Variants in CCDC93 observed in about 807,000 individuals in gnomAD.
The protein encoded by CCDC93 is CCC complex scaffolding subunit CCDC93.
A neutral mutation model predicts 108.2 loss-of-function variants in CCDC93; 61 were observed. The ratio of observed to expected loss-of-function variants is 0.56; its 90% CI spans 0.46 to 0.70. The LOEUF (loss-of-function observed/expected upper bound fraction) is 0.70. Ranked by LOEUF, CCDC93 falls within the 30% of genes least tolerant of loss-of-function variation. CCDC93 has a pLI of 0.00. For missense variants in CCDC93, 685 were observed against 764.2 expected (o/e 0.90, Z 1.22); for synonymous variants, 276 against 260.4 (o/e 1.06, Z -0.58).
chr2:117,958,514 T>G lies in CCDC93; in HGVS notation c.889-33A>C, dbSNP rs1008758247. 1.4e-5 allele frequency: 18 copies of G among 1,244,456 alleles called. No individual in the cohort carries two copies. The Admixed American group carries it at 1.7e-4, about 12-fold the overall frequency. The allele number at this position is 1,244,456 out of a possible 1,614,324, so 77.1% of individuals were successfully genotyped here. A position where few individuals can be genotyped will look rare whatever the true frequency, so the allele number is the denominator to read the frequency against. On this transcript the variant is annotated intron_variant, in intron 11 of 23. Transcript: ENST00000376300. ...AAAAAGGGATGGCAAATCCAAAGGA[T>G]TTAGTTAGTTGACCTTGGTTCATGT...
Position 117,935,586 on chromosome 2 carries a change from G to A in CCDC93, c.1644-7C>T. 6.2e-7 allele frequency: 1 copy of A among 1,608,156 alleles called. No homozygotes were observed. The highest frequency in any genetic ancestry group is 8.5e-7 in the Non-Finnish European group (1 of 1,174,860). On this transcript the variant is annotated splice_polypyrimidine_tract_variant and splice_region_variant and intron_variant, in intron 21 of 23. Coordinates refer to ENST00000376300, the MANE Select transcript of CCDC93 (RefSeq NM_019044.5). ...AGCAGGGGAGGCCATGGCCCTGAAA[G>A]AAAAACCAGTAGAGTTATGACCGGC...
intron 7 of CCDC93, among the ~76,000 whole-genome samples, chr2:117,979,158 C>T (rs894991985): frequency 3.9e-5 from 6 of 152,210 alleles, no homozygotes; most frequent in Non-Finnish European, 7.3e-5. Flanking sequence ...GCCTGATGCA[C>T]ATTTATCAAT....
chr2:117,983,338 C>T (rs1680206851), intron 7 of CCDC93, among the ~76,000 whole-genome samples: 1 of 152,198 alleles, frequency 6.6e-6, no homozygotes, highest in Non-Finnish European at 1.5e-5. Flanking sequence ...GGTAGTCACA[C>T]TTCTGTGGTT....
At chr2:117,990,391 G>A (rs543368973) in intron 6 of CCDC93, among the ~76,000 whole-genome samples, 63 of 152,302 alleles carry the variant, frequency 4.1e-4, no homozygotes, top group Non-Finnish European at 5.7e-4. Context: ...AAGAAAGCAG[G>A]TACTGGGAAT....
Position 117,920,076 on chromosome 2 carries a change from A to T in CCDC93, c.*267T>A, listed in dbSNP as rs144544594. On this transcript the variant is annotated 3_prime_UTR_variant, in exon 24 of 24. Coordinates refer to ENST00000376300, the MANE Select transcript of CCDC93 (RefSeq NM_019044.5). The stretch of plus-strand genomic sequence containing the variant: ...ATAAGCGCAATGTTACTGGAGACAT[A>T]AAAGTTGAATCAACAGAGAACAAGT... 1 of 336,912 alleles carries T rather than the reference A, an allele frequency of 3.0e-6. No homozygotes were observed. Among genetic ancestry groups the T allele is most frequent in the East Asian group, 4.5e-5 (1 of 22,126 alleles). 20.9% of individuals were successfully genotyped at this position (336,912 alleles called of 1,614,324 possible).
intron 3 of CCDC93, among the ~76,000 whole-genome samples, chr2:118,003,523 TC>T: frequency 6.6e-6 from 1 of 152,316 alleles, no homozygotes; most frequent in African/African-American, 2.4e-5. Context: ...GAGAGCTCCC[TC>T]TTGTGGCTAC....
rs1392166533 is a variant in CCDC93 at position 117,916,582 on chromosome 2, A to G, written c.*3761T>C. 2.0e-5 allele frequency: 3 copies of G among 152,202 alleles called. No individual in the cohort carries two copies. Among genetic ancestry groups the G allele is most frequent in the African/African-American group, 7.2e-5 (3 of 41,444 alleles). 9.4% of individuals were successfully genotyped at this position (152,202 alleles called of 1,614,324 possible). On this transcript the variant is annotated 3_prime_UTR_variant, in exon 24 of 24. Transcript: ENST00000376300. ...ACCGGAATTTCCCAGTCAGTCATCT[A>G]CCTTGAGCTAGATGCTGGGGAGAGT...
intron 13 of CCDC93, chr2:117,951,457 G>A: frequency 1.0e-6 from 1 of 986,044 alleles, no homozygotes; most frequent in Non-Finnish European, 1.2e-6. Flanking sequence ...TTACATCAAG[G>A]TGGCAAATTA....
chr2:117,975,364 C>G (rs768582001), intron 8 of CCDC93, 84 bp from the exon 9 acceptor site: 6 of 1,023,064 alleles, frequency 5.9e-6, no homozygotes, highest in East Asian at 2.4e-5. Context: ...AGGCATGAGT[C>G]TGTGAAAAAA....
intron 7 of CCDC93, chr2:117,985,519 A>G: frequency 3.7e-6 from 2 of 546,188 alleles, no homozygotes; most frequent in Non-Finnish European, 4.4e-6. Context: ...AGGATATAAA[A>G]TAAGATTTTT....
intron 12 of CCDC93, 106 bp from the exon 13 acceptor site, chr2:117,952,541 G>A: frequency 2.4e-6 from 2 of 845,530 alleles, no homozygotes; most frequent in Middle Eastern, 2.3e-4. Flanking sequence ...TTTAAACTGA[G>A]CAAATGTGAA....
In CCDC93 at chr2:117,952,396, C is replaced by T; in HGVS notation, c.1045G>A (p.Glu349Lys). The T allele has an allele frequency of 6.2e-7, 1 of 1,613,310 alleles. No homozygotes were observed. The highest frequency in any genetic ancestry group is 1.1e-5 in the South Asian group (1 of 91,058). ...SHTSLQARYN[E>K]AKKTLTELKT... The stretch of plus-strand genomic sequence containing the variant: ...ACCTCTGTCAGCGTTTTCTTGGCTT[C>T]ATTATATCTGGCTTGTAGGCTGGTG... The change falls in exon 13 of 24, where the codon GAA becomes AAA. Residue 349 changes from glutamate to lysine, a missense_variant. Physicochemically the swap from Glu to Lys is moderately conservative, Grantham distance 56. Coordinates refer to ENST00000376300, the MANE Select transcript of CCDC93 (RefSeq NM_019044.5).
In CCDC93 at chr2:118,000,905, G is replaced by T; in HGVS notation, c.279C>A (p.Val93=). The part of the protein sequence containing the change: ...KIALSEKIVS[V]LPRMKCPHQL... ...GGTGTGGGCATTTCATCCTTGGCAG[G>T]ACCGAGACAATTTTTTCTGACAGAG... The change falls in exon 4 of 24, where the codon GTC becomes GTA. Residue 93 remains valine (V), a synonymous_variant. Transcript: ENST00000376300. The T allele has an allele frequency of 1.9e-6, 3 of 1,613,472 alleles. No homozygotes were observed. Among genetic ancestry groups the T allele is most frequent in the Admixed American group, 1.7e-5 (1 of 59,990 alleles).
Position 118,006,090 on chromosome 2 carries a change from C to T in CCDC93, c.251+632G>A, listed in dbSNP as rs1036417914. ...TATTGCTTCCTGTTATTTATAAGAC[C>T]CCTTTGTTCCTTTTGGAAGTGTTTT... On this transcript the variant is annotated intron_variant, in intron 3 of 23. Transcript: ENST00000376300. Among the ~76,000 whole-genome samples, 21 of 152,106 alleles carry T rather than the reference C, an allele frequency of 1.4e-4. 1 individual carries two copies. The highest frequency in any genetic ancestry group is 9.8e-4 in the Admixed American group (15 of 15,274).
Position 117,917,232 on chromosome 2 carries a change from C to T in CCDC93, c.*3111G>A, listed in dbSNP as rs1282873190. The T allele has an allele frequency of 3.3e-5, 5 of 152,660 alleles. No homozygotes were observed. 9.5% of individuals were successfully genotyped at this position (152,660 alleles called of 1,614,324 possible). The stretch of plus-strand genomic sequence containing the variant: ...GAGCCAGGGCTCACTGTCCGGAGTG[C>T]CCTTTCAGGCAGGTCTGCTTCGGTC... On this transcript the variant is annotated 3_prime_UTR_variant, in exon 24 of 24. Coordinates refer to ENST00000376300, the MANE Select transcript of CCDC93 (RefSeq NM_019044.5).
chr2:117,957,410 T>A (rs1679255094), intron 12 of CCDC93, among the ~76,000 whole-genome samples: 1 of 152,152 alleles, frequency 6.6e-6, no homozygotes, highest in Non-Finnish European at 1.5e-5. Flanking sequence ...ACAGCTCTTT[T>A]AAAAATGATC....
At chr2:117,953,371 A>T (rs998716960) in intron 12 of CCDC93, among the ~76,000 whole-genome samples, 1 of 152,176 alleles carries the variant, frequency 6.6e-6, no homozygotes, top group African/African-American at 2.4e-5. Flanking sequence ...AGCTGAGAGC[A>T]ATGTGATAAA....
At chr2:117,929,715 C>A (rs557683312) in intron 23 of CCDC93, among the ~76,000 whole-genome samples, 12 of 152,214 alleles carry the variant, frequency 7.9e-5, no homozygotes, top group Non-Finnish European at 1.5e-4. Flanking sequence ...TGCCAGTTCA[C>A]TCACTGGCCC....
chr2:117,984,067 T>C (rs972307676), intron 7 of CCDC93, among the ~76,000 whole-genome samples: 1 of 152,172 alleles, frequency 6.6e-6, no homozygotes, highest in Admixed American at 6.5e-5. Context: ...TTAACCTTTC[T>C]GAATGTTGTC....
Sources: allele counts gnomAD v4.1 joint callset (sites outside exome capture counted in the v4.1 genomes callset), GRCh38; gene constraint gnomAD v4.1.1; transcripts MANE v1.5; gene names NCBI Gene and HGNC (gene_info 2026-07-23, HGNC 2026-07-21).